ADAM22: variants seen among roughly 807,000 people sequenced by gnomAD.
The protein encoded by ADAM22 is disintegrin and metalloproteinase domain-containing protein 22.
A neutral mutation model predicts 144.6 loss-of-function variants in ADAM22; 65 were observed. The ratio of observed to expected loss-of-function variants is 0.45; its 90% confidence interval spans 0.37 to 0.55. The LOEUF is 0.55. Ranked by LOEUF, ADAM22 falls within the 20% of genes least tolerant of loss-of-function variation. ADAM22 has a pLI of 0.00. For missense variants in ADAM22, 974 were observed against 1,184.9 expected (o/e 0.82, Z 2.61); for synonymous variants, 391 against 412.6 (o/e 0.95, Z 0.63).
chr7:88,008,762 AG>A (rs963981002), intron 3 of ADAM22, among the ~76,000 whole-genome samples: 19 of 151,388 alleles, frequency 1.3e-4, no homozygotes, highest in African/African-American at 4.6e-4. Context: ...GGGTGGGGGT[AG>A]GGGGTATAGC....
chr7:87,948,677 GA>G (rs1338402879), intron 2 of ADAM22, among the ~76,000 whole-genome samples: 1 of 152,196 alleles, frequency 6.6e-6, no homozygotes, highest in Non-Finnish European at 1.5e-5. Flanking sequence ...CAGTATAAAG[GA>G]ATGACCAGGC....
At chr7:87,955,466 A>C (rs6465124) in intron 2 of ADAM22, among the ~76,000 whole-genome samples, 81,004 of 151,934 alleles carry the variant, frequency 0.53, 21,942 homozygotes, top group African/African-American at 0.56. Context: ...GTGATCCGCA[A>C]GTGCTGCTGT....
intron 2 of ADAM22, among the ~76,000 whole-genome samples, chr7:87,970,037 G>A (rs1850059448): frequency 1.3e-5 from 2 of 152,292 alleles, no homozygotes; most frequent in Middle Eastern, 6.8e-3. Flanking sequence ...TCTGTTAACA[G>A]ATGCCATTGT....
At chr7:88,151,877 A>G (rs1243762692) in intron 20 of ADAM22, among the ~76,000 whole-genome samples, 2 of 152,314 alleles carry the variant, frequency 1.3e-5, no homozygotes, top group Non-Finnish European at 2.9e-5. Flanking sequence ...TTTTCAAAGG[A>G]AAATATATGA....
At chr7:88,138,376 A>C (rs1833575069) in intron 14 of ADAM22, among the ~76,000 whole-genome samples, 1 of 152,222 alleles carries the variant, frequency 6.6e-6, no homozygotes. Context: ...CAGTGAAGTC[A>C]AATGGCTACC....
At chr7:88,186,449 A>C in intron 29 of ADAM22, 166 bp from the exon 30 acceptor site, 1 of 650,758 alleles carries the variant, frequency 1.5e-6, no homozygotes, top group Admixed American at 2.8e-5. Flanking sequence ...GATTATTCTC[A>C]TGTCATTGTA....
chr7:87,967,043 G>T (rs1283813614), intron 2 of ADAM22, among the ~76,000 whole-genome samples: 1 of 151,972 alleles, frequency 6.6e-6, no homozygotes, highest in Non-Finnish European at 1.5e-5. Context: ...TTTATAAGGG[G>T]CTTTTCCCTC....
chr7:88,045,888 TTGTGTGTGTGTGTG>T lies in ADAM22; in HGVS notation c.324-29706_324-29693del, dbSNP rs59898382. Among the ~76,000 whole-genome samples the T allele has an allele frequency of 2.3e-3, 311 of 134,016 alleles. 1 individual carries two copies. The highest frequency in any genetic ancestry group is 7.3e-3 in the African/African-American group (262 of 35,660). The allele number at this position is 134,016 out of a possible 152,430, so 87.9% of individuals were successfully genotyped here. A position where few individuals can be genotyped will look rare whatever the true frequency, so the allele number is the denominator to read the frequency against. ...CATTTTAAGGCTGAGTCGTATTCTATTGTGTGTGTGTGTGTGTGTGTGTGTGTGTGTGTGTGTGT... is the reference window on the plus strand; with the variant it reads ...CATTTTAAGGCTGAGTCGTATTCTATTGTGTGTGTGTGTGTGTGTGTGTGT... On this transcript the variant is annotated intron_variant, in intron 3 of 31. Coordinates refer to ENST00000413139, the MANE Select transcript of ADAM22 (RefSeq NM_001324418.2).
chr7:88,109,731 G>GA (rs1311624527), intron 5 of ADAM22, among the ~76,000 whole-genome samples: 3 of 146,242 alleles, frequency 2.1e-5, no homozygotes, highest in Non-Finnish European at 4.5e-5. Flanking sequence ...GAGAGAGAGA[G>GA]GAAAAAAAAA....
chr7:88,069,908 A>G lies in ADAM22; in HGVS notation c.324-5718A>G, dbSNP rs146517577. ...CACTGGTTTCTCCTGCTTTGGCAGA[A>G]GGGAATATATGTTGATTAAGGCTCT... is the stretch of plus-strand genomic sequence containing the variant. On this transcript the variant is annotated intron_variant, in intron 3 of 31. Transcript: ENST00000413139. 1.4e-3 allele frequency among the ~76,000 whole-genome samples: 209 copies of G among 152,318 alleles called. 4 individuals carry two copies. Among genetic ancestry groups the G allele is most frequent in the Admixed American group, 0.013 (194 of 15,298 alleles).
chr7:87,956,353 G>A (rs1846741313), intron 2 of ADAM22, among the ~76,000 whole-genome samples: 1 of 152,142 alleles, frequency 6.6e-6, no homozygotes, highest in Non-Finnish European at 1.5e-5. Flanking sequence ...AAAAGATAAA[G>A]ATCAAATACA....
rs567064156 is a variant in ADAM22, at chr7:88,122,461, AGTC to A, written c.608-3127_608-3125del. 1.2e-4 allele frequency among the ~76,000 whole-genome samples: 19 copies of A among 152,308 alleles called. No homozygotes were observed. In the South Asian group the frequency reaches 3.5e-3, roughly 28 times the overall value. ...TGGAGACTATTAGAGGTCATCTTAA[AGTC>A]TGTCAAATTCTTCTCTTTGGCCCCC... is the stretch of plus-strand genomic sequence containing the variant. On this transcript the variant is annotated intron_variant, in intron 7 of 31. Transcript: ENST00000413139.
chr7:88,015,583 T>C (rs1486230578), intron 3 of ADAM22, among the ~76,000 whole-genome samples: 1 of 152,058 alleles, frequency 6.6e-6, no homozygotes, highest in Non-Finnish European at 1.5e-5. Context: ...GAGGAGGAGA[T>C]GGAAACAGAC....
At chr7:88,052,341 CAAA>C (rs58959590) in intron 3 of ADAM22, among the ~76,000 whole-genome samples, 20 of 126,428 alleles carry the variant, frequency 1.6e-4, no homozygotes, top group Admixed American at 3.2e-4. Context: ...ACTAAAAATG[CAAA>C]AAAAAAAAAA....
intron 5 of ADAM22, among the ~76,000 whole-genome samples, chr7:88,113,687 T>A (rs1252521967): frequency 1.4e-5 from 1 of 69,040 alleles, no homozygotes; most frequent in African/African-American, 6.6e-5. Flanking sequence ...ATATATATAT[T>A]ATAAATAAAT....
chr7:88,117,430 G>C (rs572053268), intron 7 of ADAM22, among the ~76,000 whole-genome samples: 1 of 152,274 alleles, frequency 6.6e-6, no homozygotes, highest in African/African-American at 2.4e-5. Flanking sequence ...ATTTATTTTA[G>C]GTTGAATAAA....
intron 31 of ADAM22, among the ~76,000 whole-genome samples, chr7:88,193,565 C>G (rs185349880): frequency 1.3e-5 from 2 of 152,154 alleles, no homozygotes; most frequent in African/African-American, 2.4e-5. Flanking sequence ...CTGCCACTGT[C>G]TCACAACATT....
At chr7:88,153,143 C>A (rs1164928762) in intron 20 of ADAM22, 78 bp from the exon 21 acceptor site, 2 of 939,014 alleles carry the variant, frequency 2.1e-6, no homozygotes, top group Non-Finnish European at 1.6e-6. Context: ...CCTTATATTA[C>A]AATTTTTCTT....
At chr7:88,056,997 T>C (rs1808421044) in intron 3 of ADAM22, among the ~76,000 whole-genome samples, 1 of 152,214 alleles carries the variant, frequency 6.6e-6, no homozygotes, top group Non-Finnish European at 1.5e-5. Flanking sequence ...AAGTGAGTTA[T>C]CCCTTTAAAG....
Sources: gnomAD v4.1 joint callset for allele counts (sites outside exome capture counted in the v4.1 genomes callset) on GRCh38, gnomAD v4.1.1 for gene constraint, MANE v1.5 for transcripts, NCBI Gene and HGNC (gene_info 2026-07-23, HGNC 2026-07-21) for gene names.